Variants in ANXA7 observed in about 807,000 individuals in gnomAD.
ANXA7 encodes the protein annexin A7, also known as annexin VII.
ANXA7 carries 55 observed loss-of-function variants against 64.9 expected under a neutral mutation model. The ratio of observed to expected loss-of-function variants is 0.85; its 90% CI spans 0.68 to 1.06. ANXA7 has a LOEUF of 1.06. ANXA7 is among the 50% of genes least tolerant of loss of function. The pLI, the probability that ANXA7 is intolerant of heterozygous loss-of-function variation, is 0.00. For missense variants in ANXA7, 548 were observed against 582.1 expected, an observed-to-expected ratio of 0.94 and a Z score of 0.60; for synonymous variants, 200 against 192.4, an observed-to-expected ratio of 1.04 and a Z score of -0.33.
At chr10:73,407,535 T>C (rs1457963972) in intron 1 of ANXA7, among the ~76,000 whole-genome samples, 2 of 125,020 alleles carry the variant, frequency 1.6e-5, no homozygotes, top group African/African-American at 6.0e-5. Flanking sequence ...CAGAATACTT[T>C]GGGATTTCTG....
At chr10:73,403,317 C>A (rs1393407941) in intron 1 of ANXA7, among the ~76,000 whole-genome samples, 1 of 152,072 alleles carries the variant, frequency 6.6e-6, no homozygotes, top group Admixed American at 6.5e-5. Flanking sequence ...AGAAAGACCT[C>A]ATCTCTACAA....
chr10:73,378,666 C>T (rs1474475368), intron 12 of ANXA7, among the ~76,000 whole-genome samples: 1 of 152,090 alleles, frequency 6.6e-6, no homozygotes, highest in Non-Finnish European at 1.5e-5. Flanking sequence ...TCTCCATTGA[C>T]GTTCTCAAGT....
At chr10:73,397,004 T>C (rs769686854) in intron 4 of ANXA7, among the ~76,000 whole-genome samples, 160 bp downstream of exon 4, 4 of 152,252 alleles carry the variant, frequency 2.6e-5, no homozygotes, top group Non-Finnish European at 5.9e-5. Flanking sequence ...AACTTTTCCA[T>C]CAATTTAATA....
chr10:73,408,796 GA>G (rs1459221346), intron 1 of ANXA7, among the ~76,000 whole-genome samples: 1 of 152,162 alleles, frequency 6.6e-6, no homozygotes, highest in East Asian at 1.9e-4. Context: ...TTTGTAATAG[GA>G]AAAGGTTAAA....
rs772606696 is a variant in ANXA7 at position 73,379,945 on chromosome 10, G to T, written c.1099C>A (p.Arg367=). 5.0e-6 allele frequency: 8 copies of T among 1,613,822 alleles called. No homozygotes were observed. Among genetic ancestry groups the T allele is most frequent in the Non-Finnish European group, 6.8e-6 (8 of 1,179,972 alleles). ...TMEAYSRMAN[R]DLLSSVSREF... Reference sequence around the variant, plus strand: ...CGGCTCACACTGCTTAACAAGTCTCGATTAGCCATCTGCAAACAAAATTAA... The same window carrying T: ...CGGCTCACACTGCTTAACAAGTCTCTATTAGCCATCTGCAAACAAAATTAA... Residue 367 remains arginine, a synonymous_variant, in exon 11 of 13, where the codon CGA becomes AGA. Coordinates refer to ENST00000372921, the MANE Select transcript of ANXA7 (RefSeq NM_001156.5).
At chr10:73,393,042 T>C (rs537280451) in intron 5 of ANXA7, among the ~76,000 whole-genome samples, 50 of 152,248 alleles carry the variant, frequency 3.3e-4, no homozygotes, top group African/African-American at 1.2e-3. Flanking sequence ...ATCACAAGCA[T>C]TCCTATACAC....
chr10:73,377,928 T>TGC (rs1409315856), intron 12 of ANXA7, among the ~76,000 whole-genome samples: 13 of 146,546 alleles, frequency 8.9e-5, no homozygotes, highest in South Asian at 2.1e-4. Flanking sequence ...TGTGTGTGTG[T>TGC]GTGCGCGCGC....
intron 1 of ANXA7, among the ~76,000 whole-genome samples, chr10:73,408,582 T>C (rs1029515733): frequency 1.3e-5 from 2 of 152,106 alleles, no homozygotes; most frequent in Non-Finnish European, 2.9e-5. Flanking sequence ...CCTGGAGGAA[T>C]TATGTCAACA....
At chr10:73,405,956 TC>T (rs2055750205) in intron 1 of ANXA7, among the ~76,000 whole-genome samples, 1 of 146,318 alleles carries the variant, frequency 6.8e-6, no homozygotes. Context: ...AGTATTTTTC[TC>T]TTCTTTTTTT....
chr10:73,390,796 T>C (rs1425969554), intron 5 of ANXA7, among the ~76,000 whole-genome samples: 2 of 150,812 alleles, frequency 1.3e-5, no homozygotes, highest in African/African-American at 2.4e-5. Flanking sequence ...ATTTTTTTGA[T>C]GTATTCTCTG....
intron 1 of ANXA7, among the ~76,000 whole-genome samples, chr10:73,403,162 G>C (rs1020178328): frequency 1.3e-5 from 2 of 152,002 alleles, no homozygotes; most frequent in African/African-American, 4.8e-5. Flanking sequence ...TTTTATTATG[G>C]CCAACACCCA....
At chr10:73,393,714 T>C (rs2055523279) in intron 5 of ANXA7, among the ~76,000 whole-genome samples, 6 of 152,172 alleles carry the variant, frequency 3.9e-5, no homozygotes, top group Admixed American at 3.9e-4. Context: ...TAATTCAAGA[T>C]GGATTAAAGA....
rs772606696 is a variant in ANXA7, at chr10:73,379,945, G to C, written c.1099C>G (p.Arg367Gly). 6.2e-7 allele frequency: 1 copy of C among 1,613,822 alleles called. No individual in the cohort carries two copies. Among genetic ancestry groups the C allele is most frequent in the East Asian group, 2.2e-5 (1 of 44,900 alleles). Residue 367 changes from arginine (R) to glycine (G), a missense_variant, in exon 11 of 13, where the codon CGA becomes GGA. Transcript: ENST00000372921. ...CGGCTCACACTGCTTAACAAGTCTC[G>C]ATTAGCCATCTGCAAACAAAATTAA... is the stretch of plus-strand genomic sequence containing the variant. ...TMEAYSRMANRDLLSSVSREF... is the reference protein window; with the variant it reads ...TMEAYSRMANGDLLSSVSREF...
chr10:73,378,882 C>A, intron 12 of ANXA7, 29 bp downstream of exon 12: 1 of 1,526,920 alleles, frequency 6.5e-7, no homozygotes, highest in Non-Finnish European at 9.1e-7. Context: ...TCAAGTAAGA[C>A]CCGACAAAAA....
At chr10:73,383,452 C>T in intron 8 of ANXA7, 107 bp from the exon 9 acceptor site, 1 of 1,266,264 alleles carries the variant, frequency 7.9e-7, no homozygotes, top group Non-Finnish European at 1.1e-6. Flanking sequence ...ACTATATATT[C>T]AGATGGATGA....
At chr10:73,389,335 C>A (rs189099649) in intron 5 of ANXA7, among the ~76,000 whole-genome samples, 1 of 152,278 alleles carries the variant, frequency 6.6e-6, no homozygotes, top group Admixed American at 6.5e-5. Context: ...AGAGACATGA[C>A]AATAAATACA....
chr10:73,385,746 T>C (rs1053603382), intron 7 of ANXA7, among the ~76,000 whole-genome samples: 3 of 152,048 alleles, frequency 2.0e-5, no homozygotes, highest in African/African-American at 7.2e-5. Flanking sequence ...GAGTCTGATG[T>C]TGAAGCTTAA....
chr10:73,383,690 C>A lies in ANXA7; in HGVS notation c.634G>T (p.Asp212Tyr). The A allele has an allele frequency of 6.4e-7, 1 of 1,569,628 alleles. No individual in the cohort carries two copies. The highest frequency in any genetic ancestry group is 8.8e-7 in the Non-Finnish European group (1 of 1,140,274). Residue 212 changes from aspartate (D) to tyrosine (Y), a missense_variant and splice_region_variant, in exon 8 of 13, where the codon GAT becomes TAT. Physicochemically the swap from Asp to Tyr is radical, Grantham distance 160 (BLOSUM62 -3). Coordinates refer to ENST00000372921, the MANE Select transcript of ANXA7 (RefSeq NM_001156.5). Reference protein sequence around the residue: ...KAAFKTSYGKDLIKDLKSELS... With the variant: ...KAAFKTSYGKYLIKDLKSELS... ...TCTGATTTGAGATCTTTGATTAAAT[C>A]CTATTTAATCACAAATACAAGCTAA...
intron 1 of ANXA7, among the ~76,000 whole-genome samples, chr10:73,405,347 G>A (rs1589665462): frequency 6.6e-6 from 1 of 150,788 alleles, no homozygotes; most frequent in African/African-American, 2.4e-5. Context: ...TTCGAGACCA[G>A]CCTGGCCAAC....
Sources: gnomAD v4.1 joint callset for allele counts (sites outside exome capture counted in the v4.1 genomes callset) on GRCh38, gnomAD v4.1.1 for gene constraint, MANE v1.5 for transcripts, NCBI Gene and HGNC (gene_info 2026-07-23, HGNC 2026-07-21) for gene names.